The following TEK variants were observed in gnomAD, a reference collection of about 807,000 sequenced individuals.
TEK encodes TEK receptor tyrosine kinase, also known as angiopoietin-1 receptor.
A neutral mutation model predicts 131.8 loss-of-function variants in TEK; 43 were observed. The observed-to-expected ratio is 0.33, with a 90% CI of 0.26 to 0.42. TEK has a LOEUF of 0.42. TEK is among the 10% of genes least tolerant of loss of function. The pLI is 1.00. For missense variants in TEK, 1,162 were observed against 1,384.4 expected (o/e 0.84, Z 2.55); for synonymous variants, 580 against 491.6 (o/e 1.18, Z -2.38).
At chr9:27,192,006 T>G in intron 10 of TEK, 1 of 451,442 alleles carries the variant, frequency 2.2e-6, no homozygotes, top group Non-Finnish European at 4.4e-6. Flanking sequence ...TTATGGGTGC[T>G]ATTTTCAAGG....
Position 27,207,209 on chromosome 9 carries a change from A to G in TEK, c.2575+417A>G, listed in dbSNP as rs566667276. ...CAGGGCCAGAGAATCTGCATTTTTC[A>G]TTAGTTTTCCAGTGATGCTATCTTG... On this transcript the variant is annotated intron_variant, in intron 15 of 22. Transcript: ENST00000380036. Among the ~76,000 whole-genome samples, 4 of 152,306 alleles carry G rather than the reference A, an allele frequency of 2.6e-5. No individual in the cohort carries two copies. In the South Asian group the frequency reaches 8.3e-4, roughly 32 times the overall value.
rs1387834780 is a variant in TEK, at chr9:27,192,631, G to T, written c.1624+8G>T. 1.3e-6 allele frequency: 2 copies of T among 1,489,246 alleles called. No individual in the cohort carries two copies. The highest frequency in any genetic ancestry group is 1.8e-6 in the Non-Finnish European group (2 of 1,102,264). 92.3% of individuals were successfully genotyped at this position (1,489,246 alleles called of 1,614,324 possible). ...TCACAACAGCTTCTATCGGTCAGTG[G>T]AAGCCAACAGGCATTTATTCATGAG... On this transcript the variant is annotated splice_region_variant and intron_variant, in intron 11 of 22. Coordinates refer to ENST00000380036, the MANE Select transcript of TEK (RefSeq NM_000459.5).
intron 21 of TEK, among the ~76,000 whole-genome samples, chr9:27,221,003 T>TAAGA (rs2131249342): frequency 6.6e-6 from 1 of 152,294 alleles, no homozygotes; most frequent in African/African-American, 2.4e-5. Flanking sequence ...CCCATCAAGC[T>TAAGA]AAGATCCACT....
intron 1 of TEK, among the ~76,000 whole-genome samples, chr9:27,119,372 T>C (rs932632651): frequency 1.3e-5 from 2 of 152,168 alleles, no homozygotes; most frequent in Middle Eastern, 3.2e-3. Context: ...TAGTTAGCAC[T>C]CGATAAAAAT....
chr9:27,138,458 A>C (rs1320717958), intron 1 of TEK, among the ~76,000 whole-genome samples: 1 of 152,070 alleles, frequency 6.6e-6, no homozygotes, highest in African/African-American at 2.4e-5. Context: ...CTAGACACAG[A>C]GCACTGATTG....
At chr9:27,175,440 A>G (rs866589773) in intron 6 of TEK, among the ~76,000 whole-genome samples, 30 of 152,006 alleles carry the variant, frequency 2.0e-4, no homozygotes, top group African/African-American at 5.3e-4. Context: ...TAGTGCCACA[A>G]TAAACATACG....
intron 1 of TEK, among the ~76,000 whole-genome samples, chr9:27,129,307 G>C (rs1035846718): frequency 7.9e-5 from 12 of 152,144 alleles, no homozygotes; most frequent in African/African-American, 2.9e-4. Context: ...CAAAGGAAAA[G>C]ATGATTTGTG....
At chr9:27,208,848 G>T (rs1287432568) in intron 15 of TEK, among the ~76,000 whole-genome samples, 1 of 152,216 alleles carries the variant, frequency 6.6e-6, no homozygotes, top group Non-Finnish European at 1.5e-5. Flanking sequence ...GCAATATCTG[G>T]ATACATTTTT....
At chr9:27,169,397 C>A in intron 3 of TEK, 80 bp from the exon 4 acceptor site, 2 of 1,590,134 alleles carry the variant, frequency 1.3e-6, no homozygotes, top group South Asian at 2.2e-5. Context: ...TCAGGGAAAG[C>A]TAATTAAGTG....
rs371264396 is a variant in TEK at position 27,130,814 on chromosome 9, C to A, written c.52+21172C>A. 4.6e-5 allele frequency among the ~76,000 whole-genome samples: 7 copies of A among 151,878 alleles called. No individual in the cohort carries two copies. The East Asian group carries it at 1.4e-3, about 30-fold the overall frequency. ...CTGGTCTGACCTCGTGATTCACATGCCTTGGCCTCCCAGAGTGTTGGGATT... is the reference window on the plus strand; with the variant it reads ...CTGGTCTGACCTCGTGATTCACATGACTTGGCCTCCCAGAGTGTTGGGATT... On this transcript the variant is annotated intron_variant, in intron 1 of 22. Transcript: ENST00000380036.
intron 9 of TEK, 139 bp from the exon 10 acceptor site, chr9:27,190,389 CA>C (rs1824772622): frequency 1.1e-6 from 1 of 919,376 alleles, no homozygotes; most frequent in Non-Finnish European, 1.7e-6. Flanking sequence ...GCTTAGAGAG[CA>C]GGTGATCTCA....
At chr9:27,213,859 T>C (rs757312241) in intron 18 of TEK, among the ~76,000 whole-genome samples, 2 of 152,244 alleles carry the variant, frequency 1.3e-5, no homozygotes, top group Non-Finnish European at 2.9e-5. Flanking sequence ...TTTGGGGTCT[T>C]GGTTCTATCC....
Position 27,208,658 on chromosome 9 carries a change from A to T in TEK, c.2576-463A>T, listed in dbSNP as rs139706794. ...GCATTATTGGTGATGTTTCATGGAA[A>T]CTTTGGTTCTATTCCTCAGTTGTCT... On this transcript the variant is annotated intron_variant, in intron 15 of 22. Coordinates refer to ENST00000380036, the MANE Select transcript of TEK (RefSeq NM_000459.5). Among the ~76,000 whole-genome samples, 855 of 152,330 alleles carry T rather than the reference A, an allele frequency of 5.6e-3. 7 individuals are homozygous for T. Among genetic ancestry groups the T allele is most frequent in the African/African-American group, 0.019 (799 of 41,584 alleles).
chr9:27,181,642 C>T (rs1434260852), intron 7 of TEK, among the ~76,000 whole-genome samples: 1 of 152,160 alleles, frequency 6.6e-6, no homozygotes, highest in Non-Finnish European at 1.5e-5. Context: ...CAGCCACCTC[C>T]ATTCATTTAT....
chr9:27,204,903 C>G lies in TEK; in HGVS notation c.2210-8C>G, dbSNP rs748079115. On this transcript the variant is annotated splice_region_variant and splice_polypyrimidine_tract_variant and intron_variant, in intron 13 of 22. Coordinates refer to ENST00000380036, the MANE Select transcript of TEK (RefSeq NM_000459.5). ...AACTACCTGCTTCACCTCTGTCTTC[C>G]TGCACAGCACCAGCGGACCTCGGAG... 6.2e-7 allele frequency: 1 copy of G among 1,613,804 alleles called. No homozygotes were observed. The highest frequency in any genetic ancestry group is 8.5e-7 in the Non-Finnish European group (1 of 1,179,824).
intron 1 of TEK, among the ~76,000 whole-genome samples, chr9:27,125,707 T>C (rs1821960503): frequency 6.6e-6 from 1 of 152,230 alleles, no homozygotes. Context: ...TGTCAAATGC[T>C]TAGCAAAATA....
chr9:27,122,967 C>T (rs753938648), intron 1 of TEK, among the ~76,000 whole-genome samples: 2 of 146,342 alleles, frequency 1.4e-5, no homozygotes, highest in African/African-American at 2.5e-5. Context: ...GCAGGAGAAT[C>T]GCTTCAACCT....
At chr9:27,217,328 C>T (rs193067331) in intron 18 of TEK, among the ~76,000 whole-genome samples, 1 of 152,220 alleles carries the variant, frequency 6.6e-6, no homozygotes, top group East Asian at 1.9e-4. Flanking sequence ...CTTTTCCACC[C>T]TGCTTCCCTT....
chr9:27,146,727 T>A (rs900420638), intron 1 of TEK, among the ~76,000 whole-genome samples: 1 of 148,872 alleles, frequency 6.7e-6, no homozygotes, highest in Non-Finnish European at 1.5e-5. Context: ...TCTATTTTTT[T>A]TTTTTTTTTT....
Sources: allele counts gnomAD v4.1 joint callset (sites outside exome capture counted in the v4.1 genomes callset), GRCh38; gene constraint gnomAD v4.1.1; transcripts MANE v1.5; gene names NCBI Gene and HGNC (gene_info 2026-07-23, HGNC 2026-07-21).